Variants in PRKG1 observed in about 807,000 individuals in gnomAD.
PRKG1 encodes the protein protein kinase cGMP-dependent 1, also known as cGMP-dependent protein kinase 1.
In PRKG1, 35 loss-of-function variants were observed where a neutral mutation model predicts 88.1. That is an observed-to-expected ratio of 0.40 (90% CI 0.30 to 0.53). The LOEUF (loss-of-function observed/expected upper bound fraction) is 0.53, where lower values mean the gene tolerates loss of function less well. Among genes scored for constraint, PRKG1 ranks in the 20% least tolerant of loss-of-function variants. The pLI, the probability that PRKG1 is intolerant of heterozygous loss-of-function variation, is 0.59. For synonymous variants in PRKG1, 303 were observed against 292.5 expected (o/e 1.04, Z -0.37); for missense variants, 540 against 839.8 (o/e 0.64, Z 4.41).
intron 14 of PRKG1, among the ~76,000 whole-genome samples, chr10:52,287,289 T>C (rs1214596440): frequency 6.6e-6 from 1 of 152,192 alleles, no homozygotes; most frequent in Non-Finnish European, 1.5e-5. Flanking sequence ...TGCATGTTTA[T>C]ACATTTTTCA....
At chr10:51,429,744 T>C (rs2132722955) in intron 2 of PRKG1, among the ~76,000 whole-genome samples, 1 of 148,958 alleles carries the variant, frequency 6.7e-6, no homozygotes, top group East Asian at 2.0e-4. Context: ...GAGAAGAACA[T>C]AGATCAGTAG....
chr10:52,277,190 G>T (rs1318776704), intron 12 of PRKG1, among the ~76,000 whole-genome samples: 1 of 152,188 alleles, frequency 6.6e-6, no homozygotes, highest in East Asian at 1.9e-4. Flanking sequence ...GCTTTGATTG[G>T]CAGGCAATAA....
chr10:51,766,164 A>T (rs1240792457), intron 3 of PRKG1, among the ~76,000 whole-genome samples: 1 of 152,150 alleles, frequency 6.6e-6, no homozygotes, highest in African/African-American at 2.4e-5. Context: ...AATAAGTGAA[A>T]AAAGAAAGCT....
chr10:51,218,508 TATATATATATATATATATATATAA>T (rs1026481633), intron 2 of PRKG1, among the ~76,000 whole-genome samples: 21 of 116,982 alleles, frequency 1.8e-4, no homozygotes, highest in Admixed American at 7.0e-4. Flanking sequence ...TATATATATA[TATATATATATATATATATATATAA>T]AATGTGTGTA....
chr10:52,077,351 T>TATCTATCTAAGATATCTAAG (rs1211126642), intron 7 of PRKG1, among the ~76,000 whole-genome samples: 7 of 139,088 alleles, frequency 5.0e-5, no homozygotes, highest in Non-Finnish European at 9.9e-5. Context: ...TGTATAATTC[T>TATCTATCTAAGATATCTAAG]ATCTATCTAA....
intron 2 of PRKG1, among the ~76,000 whole-genome samples, chr10:51,451,826 T>G (rs1312164095): frequency 6.6e-6 from 1 of 151,902 alleles, no homozygotes; most frequent in Non-Finnish European, 1.5e-5. Context: ...AAGTGATGGA[T>G]GGTAATTTTG....
intron 1 of PRKG1, among the ~76,000 whole-genome samples, chr10:51,046,899 T>C (rs1049610740): frequency 2.6e-5 from 4 of 152,198 alleles, no homozygotes; most frequent in Middle Eastern, 3.2e-3. Context: ...TATGCTTTCA[T>C]TGAAAATGTC....
chr10:51,701,778 G>A (rs1841474651), intron 3 of PRKG1, among the ~76,000 whole-genome samples: 1 of 150,852 alleles, frequency 6.6e-6, no homozygotes, highest in South Asian at 2.1e-4. Context: ...ATAATATGTT[G>A]CAAAATTCGT....
At chr10:51,776,113 C>G (rs934665873) in intron 3 of PRKG1, among the ~76,000 whole-genome samples, 4 of 152,024 alleles carry the variant, frequency 2.6e-5, no homozygotes, top group Admixed American at 1.3e-4. Context: ...AGCAAACAAC[C>G]TGGTAATGCT....
intron 3 of PRKG1, among the ~76,000 whole-genome samples, chr10:51,530,306 G>A (rs1841987124): frequency 1.3e-5 from 2 of 151,986 alleles, no homozygotes; most frequent in South Asian, 4.1e-4. Flanking sequence ...GCATGTTGTT[G>A]ATTTCCTATT....
At chr10:51,947,923 A>G (rs1442454073) in intron 5 of PRKG1, among the ~76,000 whole-genome samples, 1 of 152,208 alleles carries the variant, frequency 6.6e-6, no homozygotes, top group Admixed American at 6.5e-5. Flanking sequence ...GACGGCACCT[A>G]CCTCAGATGA....
At chr10:51,315,290 T>C (rs1286040424) in intron 2 of PRKG1, among the ~76,000 whole-genome samples, 2 of 152,220 alleles carry the variant, frequency 1.3e-5, no homozygotes, top group African/African-American at 4.8e-5. Flanking sequence ...TTTAGAAGTG[T>C]AATGAGTTTT....
chr10:51,033,202 A>C (rs1843308766), intron 1 of PRKG1, among the ~76,000 whole-genome samples: 1 of 152,036 alleles, frequency 6.6e-6, no homozygotes, highest in South Asian at 2.1e-4. Context: ...CTTCATTTGG[A>C]CGTGCTTCCC....
chr10:51,992,155 T>C (rs956392741), intron 5 of PRKG1, among the ~76,000 whole-genome samples: 3 of 152,192 alleles, frequency 2.0e-5, no homozygotes, highest in Non-Finnish European at 4.4e-5. Context: ...CATTTGGTAT[T>C]CTTTCCTATA....
chr10:51,913,284 C>T (rs1413884796), intron 5 of PRKG1, among the ~76,000 whole-genome samples: 1 of 152,264 alleles, frequency 6.6e-6, no homozygotes, highest in East Asian at 1.9e-4. Flanking sequence ...GAGGATATTG[C>T]ATGATGCTGA....
At chr10:51,688,039 C>T (rs1459525456) in intron 3 of PRKG1, among the ~76,000 whole-genome samples, 1 of 152,130 alleles carries the variant, frequency 6.6e-6, no homozygotes, top group East Asian at 1.9e-4. Flanking sequence ...TTGATTTTCT[C>T]TGCTAGTGGA....
chr10:51,157,783 A>G (rs1309978432), intron 2 of PRKG1, among the ~76,000 whole-genome samples: 2 of 151,296 alleles, frequency 1.3e-5, no homozygotes, highest in Non-Finnish European at 3.0e-5. Flanking sequence ...TTTAAGTTAA[A>G]CTTTTTCGAT....
At chr10:51,081,279 T>C (rs1844104352) in intron 1 of PRKG1, among the ~76,000 whole-genome samples, 2 of 152,096 alleles carry the variant, frequency 1.3e-5, no homozygotes, top group African/African-American at 4.8e-5. Context: ...CGAAACGAGA[T>C]GGGTATTGGT....
chr10:52,125,470 T>C (rs1225071232), intron 7 of PRKG1, among the ~76,000 whole-genome samples: 1 of 152,182 alleles, frequency 6.6e-6, no homozygotes, highest in Admixed American at 6.5e-5. Flanking sequence ...TGCTATTTGA[T>C]CAATGTTTCC....
Sources: gnomAD v4.1 joint callset for allele counts (sites outside exome capture counted in the v4.1 genomes callset) on GRCh38, gnomAD v4.1.1 for gene constraint, MANE v1.5 for transcripts, NCBI Gene and HGNC (gene_info 2026-07-23, HGNC 2026-07-21) for gene names.